The following TOP2B variants were observed in gnomAD, a reference collection of about 807,000 sequenced individuals.
TOP2B encodes DNA topoisomerase 2-beta.
TOP2B carries 51 observed loss-of-function variants against 193.5 expected under a neutral mutation model. That is an observed-to-expected ratio of 0.26 (90% CI 0.21 to 0.33). The LOEUF is 0.33. Ranked by LOEUF, TOP2B falls within the 10% of genes least tolerant of loss-of-function variation. TOP2B has a pLI of 1.00. For missense variants in TOP2B, 1,378 were observed against 1,909.3 expected (o/e 0.72, Z 5.19); for synonymous variants, 634 against 635.7 (o/e 1.00, Z 0.04).
At position 25,652,712 on chromosome 3, in the gene TOP2B, C is replaced by T. The variant is rs186293321; in HGVS notation, c.70-7242G>A. Reference sequence around the variant, plus strand: ...TAACATTAACAATCAGTAAAGATCTCGAATTAACAACCTAACTTTAGACCC... The same window carrying T: ...TAACATTAACAATCAGTAAAGATCTTGAATTAACAACCTAACTTTAGACCC... On this transcript the variant is annotated intron_variant, in intron 1 of 35. Transcript: ENST00000264331. Among the ~76,000 whole-genome samples, 197 of 151,704 alleles carry T rather than the reference C, an allele frequency of 1.3e-3. 2 individuals carry two copies. Among genetic ancestry groups the T allele is most frequent in the South Asian group, 4.0e-3 (19 of 4,802 alleles).
At chr3:25,633,688 T>C (rs538399453) in intron 8 of TOP2B, among the ~76,000 whole-genome samples, 153 bp downstream of exon 8, 6 of 152,288 alleles carry the variant, frequency 3.9e-5, no homozygotes, top group Admixed American at 3.3e-4. Flanking sequence ...AGCAATTTCA[T>C]AGAAAATAGG....
In TOP2B at chr3:25,624,727, C is replaced by T. The variant is rs1262834144; in HGVS notation, c.2301G>A (p.Gln767=). 6.2e-7 allele frequency: 1 copy of T among 1,613,732 alleles called. No individual in the cohort carries two copies. Among genetic ancestry groups the T allele is most frequent in the Non-Finnish European group, 8.5e-7 (1 of 1,179,812 alleles). Residue 767 remains glutamine (Q), a synonymous_variant, in exon 19 of 36, where the codon CAG becomes CAA. Transcript: ENST00000264331. ...RNDKREVKVA[Q]LAGSVAEMSA... ...ACATCTCAGCAACAGAGCCAGCCAACTGGGCAACTTTTACTTCACGTTTAT... is the reference window on the plus strand; with the variant it reads ...ACATCTCAGCAACAGAGCCAGCCAATTGGGCAACTTTTACTTCACGTTTAT...
In TOP2B at chr3:25,618,817, T is replaced by C. The variant is rs1027256811; in HGVS notation, c.3096A>G (p.Lys1032=). The C allele has an allele frequency of 1.2e-6, 2 of 1,608,866 alleles. No homozygotes were observed. The highest frequency in any genetic ancestry group is 1.3e-5 in the African/African-American group (1 of 74,866). ...TCAGAATGTCTTGCACAGTTTCATA[T>C]TTCTTCAGACATCCCATATGATCAA... ...VLFDHMGCLK[K]YETVQDILKE... is the part of the protein sequence containing the mutation. Residue 1032 remains lysine (K), a synonymous_variant, in exon 24 of 36, where the codon AAA becomes AAG. Coordinates refer to ENST00000264331, the MANE Select transcript of TOP2B (RefSeq NM_001330700.2).
At chr3:25,602,396 C>CAA (rs368021384) in intron 33 of TOP2B, among the ~76,000 whole-genome samples, 2,001 of 40,810 alleles carry the variant, frequency 0.049, 83 homozygotes, top group African/African-American at 0.18. Flanking sequence ...GACTCTGTCT[C>CAA]AAAAAAAAAA....
intron 21 of TOP2B, among the ~76,000 whole-genome samples, chr3:25,622,894 G>C (rs573949986): frequency 6.6e-6 from 1 of 152,090 alleles, no homozygotes; most frequent in African/African-American, 2.4e-5. Flanking sequence ...CACCCACCTC[G>C]GCCTCCAAAG....
rs778941587 is a variant in TOP2B at position 25,612,642 on chromosome 3, A to T, written c.3659T>A (p.Val1220Asp). 1 of 1,613,710 alleles carries T rather than the reference A, an allele frequency of 6.2e-7. No individual in the cohort carries two copies. ...GAGTTTCTTCACCTTAGGTTTGCCA[A>T]CTTTACCTTTAATTGCTTTTCCAGA... The part of the protein sequence containing the change: ...GMSGKAIKGK[V>D]GKPKVKKLQL... The change falls in exon 28 of 36, where the codon GTT becomes GAT. Residue 1220 changes from valine to aspartate, a missense_variant. Val to Asp is a radical substitution (Grantham distance 152). This residue lies in a region of TOP2B where 556 missense variants were observed against 584.2 expected (regional missense o/e 0.95). Transcript: ENST00000264331.
At chr3:25,603,641 A>G (rs1702164996) in intron 33 of TOP2B, among the ~76,000 whole-genome samples, 1 of 152,334 alleles carries the variant, frequency 6.6e-6, no homozygotes, top group East Asian at 1.9e-4. Context: ...GGATTCAAGT[A>G]TAAGTATTTA....
At chr3:25,625,384 T>A (rs1280640087) in intron 18 of TOP2B, among the ~76,000 whole-genome samples, 1 of 152,208 alleles carries the variant, frequency 6.6e-6, no homozygotes, top group African/African-American at 2.4e-5. Flanking sequence ...AATATAGTTT[T>A]CATAAGGATT....
intron 7 of TOP2B, among the ~76,000 whole-genome samples, 181 bp from the exon 8 acceptor site, chr3:25,634,195 T>C (rs551148588): frequency 6.6e-6 from 1 of 152,194 alleles, no homozygotes; most frequent in South Asian, 2.1e-4. Context: ...AAAAAGAAAT[T>C]CATTTCTATG....
In TOP2B at chr3:25,633,821, C is replaced by A. The variant is rs111604317; in HGVS notation, c.1026+20G>T. On this transcript the variant is annotated intron_variant, in intron 8 of 35. Transcript: ENST00000264331. ...TACTGTTCTACCACTGACTTGGAAA[C>A]AAATAATTTGCTTACTTACTTTTGT... The A allele has an allele frequency of 1.1e-5, 17 of 1,592,634 alleles. No homozygotes were observed. The African/African-American group carries it at 1.4e-4, about 13-fold the overall frequency.
Position 25,664,257 on chromosome 3 carries a change from C to G in TOP2B, c.41G>C (p.Gly14Ala), listed in dbSNP as rs2125416949. Residue 14 changes from glycine (G) to alanine (A), a missense_variant, in exon 1 of 36, where the codon GGC becomes GCC. Gly to Ala is a moderately conservative substitution (Grantham distance 60). This residue lies in a region of TOP2B where 83 missense variants were observed against 59.3 expected (regional missense o/e 1.40). Coordinates refer to ENST00000264331, the MANE Select transcript of TOP2B (RefSeq NM_001330700.2). ...CCAGGTCAGTGCCCCGTTGCCGCCG[C>G]CCACGCCGGCTCCCGCGCCGCAGCC... ...SGGCGAGAGV[G>A]GGNGALTWVT... 6.5e-7 allele frequency: 1 copy of G among 1,537,672 alleles called. No homozygotes were observed. Among genetic ancestry groups the G allele is most frequent in the Non-Finnish European group, 8.7e-7 (1 of 1,145,870 alleles).
At position 25,664,503 on chromosome 3, in the gene TOP2B, G is replaced by T. The variant is rs904161472; in HGVS notation, c.-206C>A. 8.5e-7 allele frequency: 1 copy of T among 1,178,012 alleles called. No homozygotes were observed. 73.0% of individuals were successfully genotyped at this position (1,178,012 alleles called of 1,614,324 possible). A position where few individuals can be genotyped will look rare whatever the true frequency, so the allele number is the denominator to read the frequency against. ...CGCGCCGCCGGCTGCCCTCAAACTC[G>T]AGGCGCGGCGTCCGCGTCGCCCGGG... On this transcript the variant is annotated 5_prime_UTR_variant, in exon 1 of 36. Coordinates refer to ENST00000264331, the MANE Select transcript of TOP2B (RefSeq NM_001330700.2).
At chr3:25,624,486 A>G (rs778438051) in intron 19 of TOP2B, 41 bp from the exon 20 acceptor site, 1 of 1,582,496 alleles carries the variant, frequency 6.3e-7, no homozygotes, top group Non-Finnish European at 8.6e-7. Context: ...TTAATATTCT[A>G]AATTTTCTAT....
In TOP2B at chr3:25,615,424, T is replaced by G; in HGVS notation, c.3507+7A>C. 1 of 1,541,548 alleles carries G rather than the reference T, an allele frequency of 6.5e-7. No homozygotes were observed. Among genetic ancestry groups the G allele is most frequent in the Non-Finnish European group, 8.7e-7 (1 of 1,147,326 alleles). On this transcript the variant is annotated splice_region_variant and intron_variant, in intron 26 of 35. Coordinates refer to ENST00000264331, the MANE Select transcript of TOP2B (RefSeq NM_001330700.2). ...TTTCAAACTATTTAACCCACAAAAGTTCATACTTTTGCATCTCTCTGTTTA... is the reference window on the plus strand; with the variant it reads ...TTTCAAACTATTTAACCCACAAAAGGTCATACTTTTGCATCTCTCTGTTTA...
intron 4 of TOP2B, 118 bp from the exon 5 acceptor site, chr3:25,638,428 T>G: frequency 8.3e-7 from 1 of 1,208,490 alleles, no homozygotes; most frequent in Non-Finnish European, 1.1e-6. Context: ...TTAATGGTTA[T>G]AAGATACTAG....
intron 22 of TOP2B, 119 bp from the exon 23 acceptor site, chr3:25,620,181 T>C: frequency 7.6e-6 from 5 of 656,828 alleles, no homozygotes; most frequent in Non-Finnish European, 1.0e-5. Context: ...GAAACCTCAA[T>C]CTCTATCATC....
At chr3:25,635,878 C>A in intron 7 of TOP2B, 58 bp downstream of exon 7, 1 of 1,452,776 alleles carries the variant, frequency 6.9e-7, no homozygotes, top group Non-Finnish European at 9.5e-7. Context: ...AAGGAAGACC[C>A]AACAATATTC....
chr3:25,612,242 G>A (rs955976096), intron 28 of TOP2B, among the ~76,000 whole-genome samples: 3 of 151,996 alleles, frequency 2.0e-5, no homozygotes, highest in East Asian at 1.9e-4. Context: ...GTGCCCGGCC[G>A]GCTTCCAAGA....
At chr3:25,643,976 T>C (rs1275979500) in intron 2 of TOP2B, among the ~76,000 whole-genome samples, 192 bp from the exon 3 acceptor site, 1 of 152,224 alleles carries the variant, frequency 6.6e-6, no homozygotes, top group African/African-American at 2.4e-5. Context: ...AAATTGTTCA[T>C]TTTGTATCAA....
Sources: gnomAD v4.1 joint callset for allele counts (sites outside exome capture counted in the v4.1 genomes callset) on GRCh38, gnomAD v4.1.1 for gene constraint, gnomAD v4.1.1 regional missense constraint, MANE v1.5 for transcripts, NCBI Gene and HGNC (gene_info 2026-07-23, HGNC 2026-07-21) for gene names.